The following OXR1 variants were observed in gnomAD, a reference collection of about 807,000 sequenced individuals.
The protein encoded by OXR1 is oxidation resistance protein 1.
OXR1 carries 41 observed loss-of-function variants against 104.6 expected under a neutral mutation model. The observed-to-expected ratio is 0.39, with a 90% CI of 0.31 to 0.51. The LOEUF (loss-of-function observed/expected upper bound fraction) is 0.51, where lower values mean the gene tolerates loss of function less well. Ranked by LOEUF, OXR1 falls within the 20% of genes least tolerant of loss-of-function variation. The probability of loss-of-function intolerance (pLI) is 0.77; values close to 1 mark genes in which losing one functional copy is unlikely to be tolerated. For missense variants in OXR1, 955 were observed against 1,031.9 expected, an observed-to-expected ratio of 0.93 and a Z score of 1.02; for synonymous variants, 348 against 348.4, an observed-to-expected ratio of 1.00 and a Z score of 0.01.
chr8:106,296,215 C>T (rs944844855), intron 1 of OXR1, among the ~76,000 whole-genome samples: 25 of 152,234 alleles, frequency 1.6e-4, no homozygotes, highest in African/African-American at 5.8e-4. Context: ...CCTTGTTTTG[C>T]CCTGAAGCAA....
intron 2 of OXR1, among the ~76,000 whole-genome samples, chr8:106,390,734 A>G (rs1817559142): frequency 6.6e-6 from 1 of 152,218 alleles, no homozygotes; most frequent in Admixed American, 6.5e-5. Context: ...TTAATTTGGT[A>G]ATGGTAATAA....
At chr8:106,630,869 T>G (rs997874074) in intron 3 of OXR1, among the ~76,000 whole-genome samples, 1 of 152,204 alleles carries the variant, frequency 6.6e-6, no homozygotes, top group Non-Finnish European at 1.5e-5. Flanking sequence ...CTCTTAACAA[T>G]GAGCACCAAA....
chr8:106,298,104 A>G (rs1422413793), intron 1 of OXR1, among the ~76,000 whole-genome samples: 1 of 152,234 alleles, frequency 6.6e-6, no homozygotes, highest in East Asian at 1.9e-4. Flanking sequence ...CTTCTCTATC[A>G]GATATGCTTC....
At chr8:106,697,337 G>A in intron 7 of OXR1, 11 of 979,948 alleles carry the variant, frequency 1.1e-5, no homozygotes, top group Non-Finnish European at 1.7e-5. Context: ...AGAGCTCTGG[G>A]GCTCTCTGGG....
At chr8:106,386,414 T>G (rs1817375349) in intron 2 of OXR1, among the ~76,000 whole-genome samples, 1 of 152,158 alleles carries the variant, frequency 6.6e-6, no homozygotes, top group East Asian at 1.9e-4. Context: ...TCTATAGAAA[T>G]TATCTCCTCC....
chr8:106,442,330 A>G (rs1370400178), intron 2 of OXR1, among the ~76,000 whole-genome samples: 1 of 152,196 alleles, frequency 6.6e-6, no homozygotes, highest in Non-Finnish European at 1.5e-5. Flanking sequence ...TATTTTATTG[A>G]TAATTTTCGC....
intron 1 of OXR1, among the ~76,000 whole-genome samples, chr8:106,309,497 T>C (rs1027767707): frequency 1.3e-5 from 2 of 152,148 alleles, no homozygotes; most frequent in African/African-American, 2.4e-5. Flanking sequence ...GGACCTATTA[T>C]CAGTCACTTT....
intron 3 of OXR1, among the ~76,000 whole-genome samples, chr8:106,602,245 C>T (rs1159735674): frequency 6.6e-6 from 1 of 152,128 alleles, no homozygotes; most frequent in African/African-American, 2.4e-5. Context: ...GTAATTGTTG[C>T]ACAGCAATAG....
chr8:106,654,356 G>T (rs530077988), intron 3 of OXR1, among the ~76,000 whole-genome samples: 38 of 152,188 alleles, frequency 2.5e-4, no homozygotes, highest in African/African-American at 8.7e-4. Flanking sequence ...TTTAGGAATA[G>T]AATTGAGAGT....
intron 2 of OXR1, among the ~76,000 whole-genome samples, chr8:106,439,943 C>A (rs1376864459): frequency 6.6e-6 from 1 of 152,072 alleles, no homozygotes; most frequent in Non-Finnish European, 1.5e-5. Context: ...TTTTTTAAAT[C>A]ATTGACTAGA....
chr8:106,314,180 T>C (rs368974544), intron 1 of OXR1, among the ~76,000 whole-genome samples: 14 of 152,264 alleles, frequency 9.2e-5, no homozygotes, highest in East Asian at 7.7e-4. Context: ...GGGACCCTTT[T>C]TTCCTCTAGG....
At chr8:106,276,702 C>T (rs567538650) in intron 1 of OXR1, among the ~76,000 whole-genome samples, 3 of 146,088 alleles carry the variant, frequency 2.1e-5, no homozygotes, top group East Asian at 2.0e-4. Flanking sequence ...GCTCAAGAAC[C>T]GATATTTAGC....
intron 1 of OXR1, among the ~76,000 whole-genome samples, chr8:106,273,366 A>T (rs1811896537): frequency 6.6e-6 from 1 of 152,198 alleles, no homozygotes; most frequent in African/African-American, 2.4e-5. Context: ...CACTTTAGGG[A>T]TAGATCTTGT....
At chr8:106,377,818 C>T (rs1816970943) in intron 2 of OXR1, among the ~76,000 whole-genome samples, 1 of 152,178 alleles carries the variant, frequency 6.6e-6, no homozygotes, top group African/African-American at 2.4e-5. Context: ...TAATCAGTTA[C>T]ATGATTTCTA....
chr8:106,729,365 C>T (rs1237332703), intron 11 of OXR1, among the ~76,000 whole-genome samples: 1 of 151,990 alleles, frequency 6.6e-6, no homozygotes, highest in Non-Finnish European at 1.5e-5. Flanking sequence ...TTATTTATTT[C>T]ATATATTTAA....
intron 11 of OXR1, among the ~76,000 whole-genome samples, chr8:106,718,505 C>T (rs1832485010): frequency 6.6e-6 from 1 of 152,152 alleles, no homozygotes; most frequent in Non-Finnish European, 1.5e-5. Flanking sequence ...ACTGAATTTC[C>T]TCTTTTTGTA....
intron 3 of OXR1, 103 bp downstream of exon 3, chr8:106,519,242 T>C (rs1185651179): frequency 4.3e-6 from 3 of 690,360 alleles, no homozygotes; most frequent in East Asian, 2.8e-5. Context: ...TTATAAAACA[T>C]GTAAATCTTT....
At chr8:106,447,668 A>G (rs1474652088) in intron 2 of OXR1, among the ~76,000 whole-genome samples, 1 of 152,246 alleles carries the variant, frequency 6.6e-6, no homozygotes, top group Non-Finnish European at 1.5e-5. Context: ...GATAATGGGC[A>G]CTATCTCTAA....
At chr8:106,689,366 G>C (rs1480073203) in intron 6 of OXR1, among the ~76,000 whole-genome samples, 3 of 151,696 alleles carry the variant, frequency 2.0e-5, no homozygotes, top group Non-Finnish European at 4.4e-5. Context: ...TCAGATTAAG[G>C]GCCCACCCTA....
Sources: allele counts gnomAD v4.1 joint callset (sites outside exome capture counted in the v4.1 genomes callset), GRCh38; gene constraint gnomAD v4.1.1; transcripts MANE v1.5; gene names NCBI Gene and HGNC (gene_info 2026-07-23, HGNC 2026-07-21).